The following UTRN variants were observed in gnomAD, a reference collection of about 807,000 sequenced individuals.
UTRN encodes dystrophin-related protein 1.
UTRN carries 283 observed loss-of-function variants against 463.9 expected under a neutral mutation model. The observed-to-expected ratio is 0.61, with a 90% CI of 0.55 to 0.67. UTRN has a LOEUF of 0.67. Ranked by LOEUF, UTRN falls within the 30% of genes least tolerant of loss-of-function variation. The pLI is 0.00. For missense variants in UTRN, 3,922 were observed against 4,084.3 expected (o/e 0.96, Z 1.08); for synonymous variants, 1,442 against 1,431.5 (o/e 1.01, Z -0.17).
chr6:144,628,995 T>C (rs975344859), intron 51 of UTRN, among the ~76,000 whole-genome samples: 1 of 152,210 alleles, frequency 6.6e-6, no homozygotes, highest in African/African-American at 2.4e-5. Context: ...ATTTGATTAA[T>C]GATTACCCTG....
intron 40 of UTRN, among the ~76,000 whole-genome samples, chr6:144,522,690 A>G (rs540806597): frequency 6.6e-5 from 10 of 152,288 alleles, no homozygotes; most frequent in African/African-American, 2.4e-4. Flanking sequence ...ACATTATTAG[A>G]TATTTGAAAA....
chr6:144,604,614 A>G (rs1804630515), intron 51 of UTRN, among the ~76,000 whole-genome samples: 1 of 152,088 alleles, frequency 6.6e-6, no homozygotes, highest in Admixed American at 6.6e-5. Context: ...TGAATATTAA[A>G]GTTTGATAGC....
chr6:144,419,005 G>A (rs758251654), intron 3 of UTRN, among the ~76,000 whole-genome samples: 6 of 151,786 alleles, frequency 4.0e-5, no homozygotes, highest in South Asian at 4.1e-4. Flanking sequence ...TCTCCCATGC[G>A]CTTTACCTAT....
At chr6:144,701,628 C>G (rs576896997) in intron 53 of UTRN, among the ~76,000 whole-genome samples, 1 of 152,092 alleles carries the variant, frequency 6.6e-6, no homozygotes, top group Admixed American at 6.6e-5. Context: ...GTATTTTTCA[C>G]TCCTCCCATG....
intron 51 of UTRN, among the ~76,000 whole-genome samples, chr6:144,626,747 C>T (rs968439860): frequency 2.0e-5 from 3 of 152,206 alleles, no homozygotes; most frequent in Non-Finnish European, 4.4e-5. Flanking sequence ...TCAAGCAATT[C>T]TCCTGTCTCA....
chr6:144,346,747 C>T (rs999182155), intron 2 of UTRN, among the ~76,000 whole-genome samples: 27 of 152,078 alleles, frequency 1.8e-4, no homozygotes, highest in African/African-American at 6.0e-4. Flanking sequence ...CGCTTGAACC[C>T]GGGAGGCGGG....
chr6:144,750,349 C>T (rs1396822925), intron 55 of UTRN, among the ~76,000 whole-genome samples: 2 of 152,174 alleles, frequency 1.3e-5, no homozygotes, highest in Non-Finnish European at 2.9e-5. Flanking sequence ...ACTATCTCAA[C>T]TCTTCTTCTC....
At chr6:144,728,400 CT>C (rs944735352) in intron 53 of UTRN, among the ~76,000 whole-genome samples, 131 of 149,248 alleles carry the variant, frequency 8.8e-4, no homozygotes, top group Middle Eastern at 6.9e-3. Flanking sequence ...GATTAAAAAT[CT>C]TTTTTTTTCC....
intron 50 of UTRN, 69 bp downstream of exon 50, chr6:144,557,380 G>A (rs1015446015): frequency 5.3e-6 from 8 of 1,509,284 alleles, no homozygotes; most frequent in South Asian, 1.3e-5. Context: ...TGGCTTTCTC[G>A]TGGAAACCTG....
chr6:144,493,382 C>T lies in UTRN; in HGVS notation c.4519C>T (p.Gln1507Ter). The change falls in exon 33 of 75, where the codon CAA becomes TAA. Residue 1507 changes from glutamine (Q) to a stop codon, truncating the protein, a stop_gained. Coordinates refer to ENST00000367545, the MANE Select transcript of UTRN (RefSeq NM_007124.3). LOFTEE classifies it high-confidence loss of function. ...AGGAAGACATATTGTCCAGAAACAG[C>T]AAACGGACAACCCAAAAGGGATGGA... ...KTGRHIVQKQQTDNPKGMDEQ... is the reference protein window; with the variant it reads ...KTGRHIVQKQ The T allele has an allele frequency of 1.9e-6, 3 of 1,614,118 alleles. No homozygotes were observed. Among genetic ancestry groups the T allele is most frequent in the Non-Finnish European group, 2.5e-6 (3 of 1,179,980 alleles).
In UTRN at chr6:144,748,443, G is replaced by A. The variant is rs751028495; in HGVS notation, c.8137G>A (p.Val2713Met). ...CGCTGACATGAAGGAGGCAGAGTCC[G>A]TGCGGAATGGCTGGAAGCCCGTGGG... ...LDADMKEAES[V>M]RNGWKPVGDL... Residue 2713 changes from valine (V) to methionine (M), a missense_variant, in exon 55 of 75, where the codon GTG (valine) becomes ATG (methionine). Coordinates refer to ENST00000367545, the MANE Select transcript of UTRN (RefSeq NM_007124.3). 9.9e-6 allele frequency: 16 copies of A among 1,614,004 alleles called. No individual in the cohort carries two copies. Among genetic ancestry groups the A allele is most frequent in the East Asian group, 4.5e-5 (2 of 44,814 alleles).
Position 144,678,472 on chromosome 6 carries a change from A to G in UTRN, c.7546A>G (p.Met2516Val). 6.2e-7 allele frequency: 1 copy of G among 1,613,500 alleles called. No individual in the cohort carries two copies. ...AAGCATTGACGGAAACAGGCAGAAG[A>G]TGGTAAAAGCTTTGGGAAATTCTGA... ...FKSIDGNRQKMVKALGNSEEA... is the reference protein window; with the variant it reads ...FKSIDGNRQKVVKALGNSEEA... Residue 2516 changes from methionine to valine, a missense_variant, in exon 52 of 75, where the codon ATG becomes GTG. Physicochemically the swap from Met to Val is conservative, Grantham distance 21. Coordinates refer to ENST00000367545, the MANE Select transcript of UTRN (RefSeq NM_007124.3).
chr6:144,295,636 C>T lies in UTRN; in HGVS notation c.79+3729C>T, dbSNP rs73780504. ...ATCTAATTGTTGAGGGAACCTTAAA[C>T]GCCCTATAACCCAGCCATTCCTGTG... On this transcript the variant is annotated intron_variant, in intron 2 of 74. Transcript: ENST00000367545. Among the ~76,000 whole-genome samples, 898 of 152,312 alleles carry T rather than the reference C, an allele frequency of 5.9e-3. 7 individuals are homozygous for T. The highest frequency in any genetic ancestry group is 0.021 in the African/African-American group (856 of 41,568).
At chr6:144,682,135 A>T (rs929152082) in intron 52 of UTRN, among the ~76,000 whole-genome samples, 2 of 150,578 alleles carry the variant, frequency 1.3e-5, no homozygotes, top group African/African-American at 4.9e-5. Context: ...CCTCCCCATC[A>T]CCCCCCTGCC....
chr6:144,818,722 A>G (rs942936735), intron 65 of UTRN, among the ~76,000 whole-genome samples: 4 of 152,190 alleles, frequency 2.6e-5, no homozygotes, highest in Non-Finnish European at 4.4e-5. Context: ...TTCCTTACCA[A>G]GACATTTAGG....
intron 34 of UTRN, among the ~76,000 whole-genome samples, chr6:144,510,302 T>A (rs1795066641): frequency 6.6e-6 from 1 of 152,234 alleles, no homozygotes; most frequent in Non-Finnish European, 1.5e-5. Flanking sequence ...AACTTACGAA[T>A]GTGCCGATCA....
At chr6:144,367,963 G>T (rs547585105) in intron 2 of UTRN, among the ~76,000 whole-genome samples, 1 of 152,016 alleles carries the variant, frequency 6.6e-6, no homozygotes, top group Non-Finnish European at 1.5e-5. Flanking sequence ...TGTATTTTTA[G>T]TATAGATGGG....
intron 13 of UTRN, among the ~76,000 whole-genome samples, chr6:144,444,051 A>G (rs1198863125): frequency 1.3e-5 from 2 of 152,190 alleles, no homozygotes; most frequent in African/African-American, 4.8e-5. Context: ...CAGTTCTATT[A>G]TGTTAGTTTC....
chr6:144,512,175 G>A (rs1209537110), intron 35 of UTRN, among the ~76,000 whole-genome samples: 1 of 152,086 alleles, frequency 6.6e-6, no homozygotes, highest in Non-Finnish European at 1.5e-5. Context: ...ACCTAACAGA[G>A]TTGTTAAATA....
Sources: gnomAD v4.1 joint callset for allele counts (sites outside exome capture counted in the v4.1 genomes callset) on GRCh38, gnomAD v4.1.1 for gene constraint, MANE v1.5 for transcripts, NCBI Gene and HGNC (gene_info 2026-07-23, HGNC 2026-07-21) for gene names.